The following THBS2 variants were observed in gnomAD, a reference collection of about 807,000 sequenced individuals.
The protein encoded by THBS2 is thrombospondin 2.
In THBS2, 47 loss-of-function variants were observed where a neutral mutation model predicts 135.2. The observed-to-expected ratio is 0.35, with a 90% confidence interval of 0.28 to 0.44. The LOEUF (loss-of-function observed/expected upper bound fraction) is 0.44, where lower values mean the gene tolerates loss of function less well. THBS2 is among the 20% of genes least tolerant of loss of function. The pLI is 1.00. For synonymous variants in THBS2, 639 were observed against 633.8 expected (o/e 1.01, Z -0.12); for missense variants, 1,288 against 1,603.1 (o/e 0.80, Z 3.36).
chr6:169,237,541 C>G, intron 8 of THBS2, 84 bp downstream of exon 8: 1 of 1,586,910 alleles, frequency 6.3e-7, no homozygotes, highest in African/African-American at 1.3e-5. Flanking sequence ...GAGGGCAGCT[C>G]TGTCCCTTGC....
At chr6:169,240,649 C>T (rs901625063) in intron 5 of THBS2, 57 bp from the exon 6 acceptor site, 26 of 1,570,556 alleles carry the variant, frequency 1.7e-5, no homozygotes, top group Non-Finnish European at 2.1e-5. Flanking sequence ...ATTTAGTCAT[C>T]ATGCTTGTGG....
At chr6:169,231,859 TGA>T in intron 13 of THBS2, 119 bp downstream of exon 13, 3 of 953,630 alleles carry the variant, frequency 3.1e-6, no homozygotes, top group Non-Finnish European at 4.5e-6. Context: ...GCAAGAGGCC[TGA>T]GAGACCCTCC....
intron 21 of THBS2, among the ~76,000 whole-genome samples, chr6:169,218,327 G>C (rs1352729815): frequency 6.9e-6 from 1 of 145,440 alleles, no homozygotes; most frequent in Non-Finnish European, 1.5e-5. Context: ...GAGTGGGTTG[G>C]TAGATGAGAT....
Position 169,232,057 on chromosome 6 carries a change from C to A in THBS2, c.2074G>T (p.Gly692Trp). ...TGYAGDGLIC[G>W]EDSDLDGWPN... The stretch of plus-strand genomic sequence containing the variant: ...CAGCCGTCCAGGTCCGAGTCCTCCC[C>A]GCAGATGAGCCCGTCGCCCGCGTAG... Residue 692 changes from glycine (G) to tryptophan (W), a missense_variant, in exon 13 of 22, where the codon GGG becomes TGG. By Grantham distance (184) the Gly-to-Trp change is radical. Coordinates refer to ENST00000617924, the MANE Select transcript of THBS2 (RefSeq NM_003247.5). 1 of 1,614,050 alleles carries A rather than the reference C, an allele frequency of 6.2e-7. No individual in the cohort carries two copies. The highest frequency in any genetic ancestry group is 8.5e-7 in the Non-Finnish European group (1 of 1,179,970).
intron 3 of THBS2, 109 bp downstream of exon 3, chr6:169,248,307 TA>T: frequency 2.3e-6 from 3 of 1,326,906 alleles, no homozygotes; most frequent in Non-Finnish European, 2.1e-6. Flanking sequence ...TGTGCTTCTC[TA>T]AGGCCAGGCT....
In THBS2 at chr6:169,233,011, C is replaced by T. The variant is rs374184341; in HGVS notation, c.1658G>A (p.Cys553Tyr). The T allele has an allele frequency of 6.5e-7, 1 of 1,539,622 alleles. No homozygotes were observed. The highest frequency in any genetic ancestry group is 1.4e-5 in the African/African-American group (1 of 73,224). Residue 553 changes from cysteine to tyrosine, a missense_variant, in exon 11 of 22, where the codon TGT becomes TAT. Cys to Tyr is a radical substitution (Grantham distance 194). Transcript: ENST00000617924. The part of the protein sequence containing the change: ...CNKRSCPVDG[C>Y]LSNPCFPGAQ... ...TCCCGGGAAGCAGGGGTTGGATAAA[C>T]AGCCATCTGGGTGGGAGAAGGCGGA...
chr6:169,225,078 A>C lies in THBS2; in HGVS notation c.2773+67T>G, dbSNP rs201755526. On this transcript the variant is annotated intron_variant, in intron 17 of 21. Transcript: ENST00000617924. ...TTTAAGATGATCTCCGTGCATACAT[A>C]TCTCTGCCCTGGCGGGTTGCTCAGA... 7,459 of 1,484,970 alleles carry C rather than the reference A, an allele frequency of 5.0e-3. 20 individuals carry two copies. Among genetic ancestry groups the C allele is most frequent in the Non-Finnish European group, 6.4e-3 (6,801 of 1,068,810 alleles). 92.0% of individuals were successfully genotyped at this position (1,484,970 alleles called of 1,614,324 possible). A position where few individuals can be genotyped will look rare whatever the true frequency, so the allele number is the denominator to read the frequency against.
rs1780629169 is a variant in THBS2, at chr6:169,248,339, T to C, written c.609+78A>G. 4.7e-6 allele frequency: 7 copies of C among 1,486,254 alleles called. No homozygotes were observed. In the Admixed American group the frequency reaches 1.4e-4, roughly 29 times the overall value. 92.1% of individuals were successfully genotyped at this position (1,486,254 alleles called of 1,614,324 possible). A position where few individuals can be genotyped will look rare whatever the true frequency, so the allele number is the denominator to read the frequency against. On this transcript the variant is annotated intron_variant, in intron 3 of 21. Coordinates refer to ENST00000617924, the MANE Select transcript of THBS2 (RefSeq NM_003247.5). ...AGGCTCTGCCTGCTCAAGCATCGCA[T>C]CACCAGACGCATTAGCAGATCAGTT... is the stretch of plus-strand genomic sequence containing the variant.
Position 169,225,129 on chromosome 6 carries a change from C to A in THBS2, c.2773+16G>T. ...AGCCATTTTCCTCCACGCCCATGAGCTGAGAGAGCACCCACCGTCCAAGTC... is the reference window on the plus strand; with the variant it reads ...AGCCATTTTCCTCCACGCCCATGAGATGAGAGAGCACCCACCGTCCAAGTC... On this transcript the variant is annotated intron_variant, in intron 17 of 21. Coordinates refer to ENST00000617924, the MANE Select transcript of THBS2 (RefSeq NM_003247.5). The A allele has an allele frequency of 6.2e-7, 1 of 1,613,148 alleles. No homozygotes were observed. The highest frequency in any genetic ancestry group is 8.5e-7 in the Non-Finnish European group (1 of 1,179,134).
rs1780661656 is a variant in THBS2 at position 169,248,947 on chromosome 6, A to C, written c.79T>G (p.Phe27Val). The change falls in exon 3 of 22, where the codon TTC becomes GTC. Residue 27 changes from phenylalanine (F) to valine (V), a missense_variant. Physicochemically the swap from Phe to Val is conservative, Grantham distance 50 (BLOSUM62 -1). Around this residue, in one of 2 missense-constraint regions of THBS2, gnomAD observed 414 missense variants for 447.0 expected, o/e 0.93. Coordinates refer to ENST00000617924, the MANE Select transcript of THBS2 (RefSeq NM_003247.5). ...QAGHQDKDTT[F>V]DLFSISNINR... Reference sequence around the variant, plus strand: ...ATGTTGCTGATACTGAAAAGGTCGAAGGTCGTGTCTTTGTCCTGGTGACCA... The same window carrying C: ...ATGTTGCTGATACTGAAAAGGTCGACGGTCGTGTCTTTGTCCTGGTGACCA... The C allele has an allele frequency of 6.2e-7, 1 of 1,610,354 alleles. No homozygotes were observed. Among genetic ancestry groups the C allele is most frequent in the Non-Finnish European group, 8.5e-7 (1 of 1,177,448 alleles).
rs1250043548 is a variant in THBS2, at chr6:169,241,894, C to G, written c.759G>C (p.Glu253Asp). Residue 253 changes from glutamate to aspartate, a missense_variant, in exon 5 of 22, where the codon GAG (glutamate) becomes GAC (aspartate). By Grantham distance (45) the Glu-to-Asp change is conservative. Transcript: ENST00000617924. The surrounding 1 kb of genome is among the most constrained non-coding windows in gnomAD (Gnocchi z 5.5). ...TLRLGPHVTT[E>D]YVGPSSERRP... ...TCCTCTCCGAGCTGGGGCCCACGTA[C>G]TCGGTGGTGACATGCGGACCCAGGC... The G allele has an allele frequency of 1.9e-6, 3 of 1,612,232 alleles. No homozygotes were observed. The highest frequency in any genetic ancestry group is 1.7e-4 in the Middle Eastern group (1 of 6,054).
chr6:169,250,540 C>T (rs1562366460), intron 2 of THBS2, among the ~76,000 whole-genome samples, 193 bp downstream of exon 2: 1 of 152,172 alleles, frequency 6.6e-6, no homozygotes, highest in Non-Finnish European at 1.5e-5. Context: ...TCTCTAACAC[C>T]TGAATTTTCC....
rs775523163 is a variant in THBS2, at chr6:169,234,898, C to T, written c.1487G>A (p.Arg496His). The T allele has an allele frequency of 1.1e-5, 18 of 1,601,426 alleles. No homozygotes were observed. Among genetic ancestry groups the T allele is most frequent in the South Asian group, 2.2e-5 (2 of 90,056 alleles). Residue 496 changes from arginine (R) to histidine (H), a missense_variant, in exon 10 of 22, where the codon CGC becomes CAC. Around this residue, in one of 2 missense-constraint regions of THBS2, gnomAD observed 874 missense variants for 1,156.1 expected, o/e 0.76. Coordinates refer to ENST00000617924, the MANE Select transcript of THBS2 (RefSeq NM_003247.5). ...CGACCACGGGGACCAGGGGCTCCAG[C>T]GGCCATCGACTGCGGGGAAAGCCAA... ...CQGAPCPIDG[R>H]WSPWSPWSAC...
rs535914441 is a variant in THBS2, at chr6:169,241,992, C to A, written c.695-34G>T. The A allele has an allele frequency of 1.3e-5, 21 of 1,581,076 alleles. No homozygotes were observed. The African/African-American group carries it at 1.6e-4, about 12-fold the overall frequency. On this transcript the variant is annotated intron_variant, in intron 4 of 21. Coordinates refer to ENST00000617924, the MANE Select transcript of THBS2 (RefSeq NM_003247.5). The surrounding 1 kb of genome is among the most constrained non-coding windows in gnomAD (Gnocchi z 5.5). ...AAGCGTAGAAGGGCCGTGAGCATCA[C>A]AGAGGACGGGGCCAGCAGCAGGGGC...
In THBS2 at chr6:169,232,968, G is replaced by A. The variant is rs758133403; in HGVS notation, c.1701C>T (p.Phe567=). The A allele has an allele frequency of 1.3e-6, 2 of 1,557,188 alleles. No individual in the cohort carries two copies. Among genetic ancestry groups the A allele is most frequent in the South Asian group, 1.2e-5 (1 of 85,060 alleles). ...PCFPGAQCSS[F]PDGSWSCGSC... Reference sequence around the variant, plus strand: ...AGCCGCATGACCAGGACCCATCGGGGAAGCTGCTGCACTGGGCTCCCGGGA... The same window carrying A: ...AGCCGCATGACCAGGACCCATCGGGAAAGCTGCTGCACTGGGCTCCCGGGA... The change falls in exon 11 of 22, where the codon TTC becomes TTT. Residue 567 remains phenylalanine, a synonymous_variant. Transcript: ENST00000617924.
intron 15 of THBS2, 111 bp downstream of exon 15, chr6:169,228,011 G>T: frequency 1.5e-6 from 2 of 1,330,448 alleles, no homozygotes; most frequent in Non-Finnish European, 2.0e-6. Flanking sequence ...AACCCAAAAG[G>T]TGGAGATCGC....
rs747051565 is a variant in THBS2 at position 169,225,128 on chromosome 6, G to T, written c.2773+17C>A. The T allele has an allele frequency of 6.2e-6, 10 of 1,612,814 alleles. No individual in the cohort carries two copies. The highest frequency in any genetic ancestry group is 8.5e-6 in the Non-Finnish European group (10 of 1,178,844). ...AAGCCATTTTCCTCCACGCCCATGA[G>T]CTGAGAGAGCACCCACCGTCCAAGT... On this transcript the variant is annotated intron_variant, in intron 17 of 21. Transcript: ENST00000617924.
At chr6:169,229,551 C>T (rs566476695) in intron 14 of THBS2, 21 bp downstream of exon 14, 157 of 1,604,778 alleles carry the variant, frequency 9.8e-5, no homozygotes, top group East Asian at 4.5e-5. Context: ...AGGGCAGGTG[C>T]GCGGCACAAG....
chr6:169,219,751 G>T, intron 21 of THBS2: 1 of 517,314 alleles, frequency 1.9e-6, no homozygotes, highest in Non-Finnish European at 3.9e-6. Flanking sequence ...AGAGCAGATG[G>T]AATTCAAGTT....
Sources: gnomAD v4.1 joint callset for allele counts (sites outside exome capture counted in the v4.1 genomes callset) on GRCh38, gnomAD v4.1.1 for gene constraint, gnomAD v4.1.1 regional missense constraint, Gnocchi (gnomAD v3.1) non-coding constraint, MANE v1.5 for transcripts, NCBI Gene and HGNC (gene_info 2026-07-23, HGNC 2026-07-21) for gene names.